CEP63: variants seen among roughly 807,000 people sequenced by gnomAD.
The protein encoded by CEP63 is centrosomal protein of 63 kDa.
Under a neutral mutation model 89.1 loss-of-function variants are expected in CEP63, and 84 were observed. The ratio of observed to expected loss-of-function variants is 0.94; its 90% CI spans 0.79 to 1.13. The LOEUF (loss-of-function observed/expected upper bound fraction) is 1.13, where lower values mean the gene tolerates loss of function less well. Among genes scored for constraint, CEP63 ranks in the 50% most tolerant of loss-of-function variants. CEP63 has a pLI of 0.00. For synonymous variants in CEP63, 267 were observed against 272.5 expected (o/e 0.98, Z 0.20); for missense variants, 838 against 813.3 (o/e 1.03, Z -0.37).
chr3:134,653,094 G>T, the CEP63 span, among the ~76,000 whole-genome samples: 3 of 152,212 alleles, frequency 2.0e-5, no homozygotes, highest in Admixed American at 6.5e-5. Flanking sequence ...GGGAAATGGT[G>T]TGGAGGCCTC....
At chr3:134,662,626 CAT>C in the CEP63 span, among the ~76,000 whole-genome samples, 3 of 152,166 alleles carry the variant, frequency 2.0e-5, no homozygotes, top group African/African-American at 7.2e-5. Context: ...AGCTATTCAG[CAT>C]GAATAAAACA....
the CEP63 span, among the ~76,000 whole-genome samples, chr3:134,701,344 G>GTA: frequency 5.8e-5 from 3 of 51,626 alleles, no homozygotes; most frequent in Admixed American, 3.8e-4. Flanking sequence ...ACACATATAC[G>GTA]TATATATGTG....
the CEP63 span, among the ~76,000 whole-genome samples, chr3:134,659,757 G>A: frequency 1.3e-5 from 2 of 152,202 alleles, no homozygotes; most frequent in Admixed American, 1.3e-4. Context: ...ACAAAACCAC[G>A]AATGAGCTAA....
downstream of CEP63, among the ~76,000 whole-genome samples, chr3:134,577,431 CTTTTTTTTTTTTTT>C (rs10662705): frequency 1.2e-5 from 1 of 86,326 alleles, no homozygotes; most frequent in African/African-American, 4.7e-5. Flanking sequence ...TTCTAATCCA[CTTTTTTTTTTTTTT>C]TTTTTTTTTG....
the CEP63 span, among the ~76,000 whole-genome samples, chr3:134,666,008 A>C: frequency 6.6e-6 from 1 of 152,076 alleles, no homozygotes; most frequent in Non-Finnish European, 1.5e-5. Context: ...AAGGGAACCA[A>C]AGGGATCAAG....
the CEP63 span, among the ~76,000 whole-genome samples, chr3:134,710,711 T>G: frequency 1.4e-5 from 2 of 140,326 alleles, no homozygotes; most frequent in African/African-American, 5.1e-5. Context: ...CATTCCTTTT[T>G]TTTTCTTTTT....
chr3:134,710,603 C>T, the CEP63 span, among the ~76,000 whole-genome samples: 2,274 of 152,314 alleles, frequency 0.015, 34 homozygotes, highest in Middle Eastern at 0.027. Context: ...CCAGGCACCA[C>T]GCCCTAAAGA....
intron 1 of CEP63, among the ~76,000 whole-genome samples, chr3:134,492,347 A>G (rs942809263): frequency 6.6e-6 from 1 of 152,170 alleles, no homozygotes; most frequent in Non-Finnish European, 1.5e-5. Context: ...GACATAGTGC[A>G]TAGAGTTGAA....
chr3:134,764,018 A>G, the CEP63 span, among the ~76,000 whole-genome samples: 6 of 152,222 alleles, frequency 3.9e-5, no homozygotes, highest in South Asian at 2.1e-4. Flanking sequence ...GGTAGAATAT[A>G]TTCTGTTGGC....
At chr3:134,517,845 A>G (rs1466745310) in intron 3 of CEP63, among the ~76,000 whole-genome samples, 1 of 152,212 alleles carries the variant, frequency 6.6e-6, no homozygotes, top group Non-Finnish European at 1.5e-5. Flanking sequence ...ATATTAGAAA[A>G]GAGGAAGGGC....
chr3:134,738,744 C>T, the CEP63 span, among the ~76,000 whole-genome samples: 1 of 152,118 alleles, frequency 6.6e-6, no homozygotes, highest in Non-Finnish European at 1.5e-5. Context: ...CCAAACACCA[C>T]CTGTACCCCA....
the CEP63 span, among the ~76,000 whole-genome samples, chr3:134,751,260 C>T: frequency 6.6e-6 from 1 of 152,190 alleles, no homozygotes; most frequent in Non-Finnish European, 1.5e-5. Flanking sequence ...ATTGTAAGTA[C>T]ATACCACTTT....
intron 10 of CEP63, among the ~76,000 whole-genome samples, chr3:134,581,351 C>A (rs1315454331): frequency 6.6e-6 from 1 of 152,038 alleles, no homozygotes; most frequent in Non-Finnish European, 1.5e-5. Flanking sequence ...GAGGCCAAGG[C>A]GGTGGATCAC....
At chr3:134,513,110 C>T (rs527265714) in intron 3 of CEP63, among the ~76,000 whole-genome samples, 2 of 152,210 alleles carry the variant, frequency 1.3e-5, no homozygotes, top group South Asian at 2.1e-4. Flanking sequence ...CATTCTCCAC[C>T]GTGGATAGGT....
chr3:134,519,188 ATCTCAGCTCACTGCAAC>A (rs1187596515), intron 3 of CEP63, among the ~76,000 whole-genome samples: 1 of 151,956 alleles, frequency 6.6e-6, no homozygotes, highest in Non-Finnish European at 1.5e-5. Flanking sequence ...CAGTTGCGTG[ATCTCAGCTCACTGCAAC>A]CTCTGCCTCC....
At chr3:134,764,696 A>C in the CEP63 span, among the ~76,000 whole-genome samples, 1 of 152,056 alleles carries the variant, frequency 6.6e-6, no homozygotes, top group Non-Finnish European at 1.5e-5. Context: ...TCACTTTTCA[A>C]TTTTGTCTTC....
chr3:134,606,285 C>T, the CEP63 span, among the ~76,000 whole-genome samples: 1 of 152,182 alleles, frequency 6.6e-6, no homozygotes, highest in Admixed American at 6.5e-5. Flanking sequence ...AAAACGTCCA[C>T]CTGGCTACTC....
the CEP63 span, among the ~76,000 whole-genome samples, chr3:134,710,589 C>T: frequency 6.6e-6 from 1 of 152,194 alleles, no homozygotes; most frequent in Admixed American, 6.5e-5. Context: ...CCCTCCTTCC[C>T]ACCCCAGGCA....
At chr3:134,771,805 GA>G in the CEP63 span, among the ~76,000 whole-genome samples, 2 of 151,900 alleles carry the variant, frequency 1.3e-5, no homozygotes, top group Admixed American at 1.3e-4. Flanking sequence ...TTTAAAAAAG[GA>G]AAAAGCACCC....
Sources: gnomAD v4.1 joint callset for allele counts (sites outside exome capture counted in the v4.1 genomes callset) on GRCh38, gnomAD v4.1.1 for gene constraint, MANE v1.5 for transcripts, NCBI Gene and HGNC (gene_info 2026-07-23, HGNC 2026-07-21) for gene names.